The following RIN3 variants were observed in gnomAD, a reference collection of about 807,000 sequenced individuals.
The protein encoded by RIN3 is Ras and Rab interactor 3, also known as RAB5 interacting protein 3.
A neutral mutation model predicts 76.3 loss-of-function variants in RIN3; 54 were observed. The ratio of observed to expected loss-of-function variants is 0.71; its 90% CI spans 0.57 to 0.89. The LOEUF (loss-of-function observed/expected upper bound fraction) is 0.89. Ranked by LOEUF, RIN3 falls within the 40% of genes least tolerant of loss-of-function variation. RIN3 has a pLI of 0.00. For synonymous variants in RIN3, 576 were observed against 564.0 expected, an observed-to-expected ratio of 1.02 and a Z score of -0.30; for missense variants, 1,256 against 1,322.1, an observed-to-expected ratio of 0.95 and a Z score of 0.78.
At chr14:92,528,521 C>T (rs1896805754) in intron 1 of RIN3, among the ~76,000 whole-genome samples, 2 of 152,052 alleles carry the variant, frequency 1.3e-5, no homozygotes, top group African/African-American at 4.8e-5. Context: ...CTGAAGGGCC[C>T]TGGTTCCACA....
chr14:92,566,625 A>G (rs1897922446), intron 2 of RIN3, among the ~76,000 whole-genome samples: 2 of 152,048 alleles, frequency 1.3e-5, no homozygotes, highest in Admixed American at 6.6e-5. Flanking sequence ...GTTCCTGGGG[A>G]GCTAACTCAG....
In RIN3 at chr14:92,648,211, G is replaced by A. The variant is rs1472608016; in HGVS notation, c.533-3371G>A. On this transcript the variant is annotated intron_variant, in intron 5 of 9. Transcript: ENST00000216487. The surrounding 1 kb of genome is among the most constrained non-coding windows in gnomAD (Gnocchi z 4.1). ...TTCCCCCACTCCTTGGAGTCACATT[G>A]GCTTTGAGAACTTTGCCCTGCCAGG... Among the ~76,000 whole-genome samples the A allele has an allele frequency of 2.6e-5, 4 of 151,070 alleles. No homozygotes were observed. Among genetic ancestry groups the A allele is most frequent in the Non-Finnish European group, 1.5e-5 (1 of 67,920 alleles).
chr14:92,660,845 G>GCA (rs1336800470), intron 7 of RIN3, among the ~76,000 whole-genome samples: 1 of 152,238 alleles, frequency 6.6e-6, no homozygotes, highest in East Asian at 1.9e-4. Flanking sequence ...GCACGATGGA[G>GCA]CACAGCTCAA....
At chr14:92,659,515 A>G in intron 7 of RIN3, 46 bp downstream of exon 7, 1 of 1,527,068 alleles carries the variant, frequency 6.5e-7, no homozygotes, top group Non-Finnish European at 8.8e-7. Flanking sequence ...CTCTCTTTGT[A>G]TGGGTCCATG....
At chr14:92,604,765 G>C (rs1004713484) in intron 3 of RIN3, among the ~76,000 whole-genome samples, 4 of 151,888 alleles carry the variant, frequency 2.6e-5, no homozygotes, top group African/African-American at 9.7e-5. Context: ...ATCATCAAAA[G>C]AGAATGAGCT....
At position 92,655,586 on chromosome 14, in the gene RIN3, G is replaced by A. The variant is rs568861646; in HGVS notation, c.2026+2511G>A. On this transcript the variant is annotated intron_variant, in intron 6 of 9. Coordinates refer to ENST00000216487, the MANE Select transcript of RIN3 (RefSeq NM_024832.5). Reference sequence around the variant, plus strand: ...GTGACCTCACTCACATGTGAACAACGTCACTCTGGCCGTCACACCTAGTGG... The same window carrying A: ...GTGACCTCACTCACATGTGAACAACATCACTCTGGCCGTCACACCTAGTGG... Among the ~76,000 whole-genome samples, 5 of 152,366 alleles carry A rather than the reference G, an allele frequency of 3.3e-5. No individual in the cohort carries two copies. The South Asian group carries it at 6.2e-4, about 19-fold the overall frequency.
In RIN3 at chr14:92,658,937, G is replaced by T. The variant is rs12885166; in HGVS notation, c.2027-224G>T. On this transcript the variant is annotated intron_variant, in intron 6 of 9. Transcript: ENST00000216487. ...AGCATCAGGATACAATGACCAGTTAGCATTAGTTCCCAGGGGCTCCTGTGC... is the reference window on the plus strand; with the variant it reads ...AGCATCAGGATACAATGACCAGTTATCATTAGTTCCCAGGGGCTCCTGTGC... 0.26 allele frequency among the ~76,000 whole-genome samples: 39,681 copies of T among 152,090 alleles called. 6,529 individuals are homozygous for T. The highest frequency in any genetic ancestry group is 0.44 in the East Asian group (2,263 of 5,166).
intron 9 of RIN3, 64 bp from the exon 10 acceptor site, chr14:92,687,862 C>T: frequency 2.1e-6 from 3 of 1,400,630 alleles, no homozygotes; most frequent in South Asian, 2.9e-5. Context: ...GGGGCCTGGG[C>T]CGGGAGAGGG....
intron 1 of RIN3, among the ~76,000 whole-genome samples, chr14:92,528,064 G>T (rs1382061139): frequency 6.8e-6 from 1 of 147,804 alleles, no homozygotes; most frequent in African/African-American, 2.5e-5. Flanking sequence ...GTGGAAGGGG[G>T]CTGCTGGGGG....
intron 4 of RIN3, among the ~76,000 whole-genome samples, chr14:92,618,782 A>G (rs1032588103): frequency 6.6e-6 from 1 of 152,226 alleles, no homozygotes; most frequent in East Asian, 1.9e-4. Flanking sequence ...TTTGTAAGCC[A>G]CTACATCAAT....
In RIN3 at chr14:92,561,055, A is replaced by ATATATATATC. The variant is rs71123360; in HGVS notation, c.249+5101_249+5102insATATATATCT. On this transcript the variant is annotated intron_variant, in intron 2 of 9. Coordinates refer to ENST00000216487, the MANE Select transcript of RIN3 (RefSeq NM_024832.5). ...AAAAAAAAAAAAAAAATATATATAT[A>ATATATATATC]TCTGCCATATATATGCCATAAATAT... Among the ~76,000 whole-genome samples, 188 of 79,134 alleles carry ATATATATATC rather than the reference A, an allele frequency of 2.4e-3. 11 individuals carry two copies. Among genetic ancestry groups the ATATATATATC allele is most frequent in the South Asian group, 5.4e-3 (11 of 2,052 alleles). The allele number at this position is 79,134 out of a possible 152,430, so 51.9% of individuals were successfully genotyped here.
intron 8 of RIN3, among the ~76,000 whole-genome samples, chr14:92,683,721 A>C (rs140487157): frequency 6.6e-6 from 1 of 152,214 alleles, no homozygotes; most frequent in Non-Finnish European, 1.5e-5. Flanking sequence ...CCAGTGAGCT[A>C]TGTGTGAATT....
chr14:92,679,837 G>T (rs367979606), intron 8 of RIN3, among the ~76,000 whole-genome samples: 1 of 152,182 alleles, frequency 6.6e-6, no homozygotes, highest in Middle Eastern at 3.2e-3. Context: ...GCAGTTTGGA[G>T]GCTGGATTTG....
At chr14:92,544,588 C>T (rs992153113) in intron 1 of RIN3, among the ~76,000 whole-genome samples, 7 of 152,172 alleles carry the variant, frequency 4.6e-5, no homozygotes, top group Admixed American at 1.3e-4. Context: ...CTGGAGTGGT[C>T]ATGGGGACAG....
intron 1 of RIN3, among the ~76,000 whole-genome samples, chr14:92,536,744 A>AG (rs1897010840): frequency 1.6e-5 from 2 of 123,622 alleles, no homozygotes; most frequent in African/African-American, 5.7e-5. Flanking sequence ...CCGTCTCAGA[A>AG]AAAAAAAAAA....
At chr14:92,597,409 A>C (rs1885188447) in intron 3 of RIN3, among the ~76,000 whole-genome samples, 1 of 152,174 alleles carries the variant, frequency 6.6e-6, no homozygotes, top group Non-Finnish European at 1.5e-5. Flanking sequence ...CCTGTCATTC[A>C]TTGAGAGGAT....
At chr14:92,631,111 TTTAG>T (rs1432651935) in intron 4 of RIN3, among the ~76,000 whole-genome samples, 1 of 152,134 alleles carries the variant, frequency 6.6e-6, no homozygotes, top group Non-Finnish European at 1.5e-5. Flanking sequence ...AGCCCTGGCG[TTTAG>T]TTAGACATGT....
chr14:92,687,589 C>T, intron 9 of RIN3: 3 of 355,006 alleles, frequency 8.5e-6, no homozygotes, highest in Non-Finnish European at 5.2e-6. Flanking sequence ...GTGCAGGGAA[C>T]TCACCTGGAG....
chr14:92,582,102 G>A (rs1283087242), intron 3 of RIN3, among the ~76,000 whole-genome samples: 1 of 152,168 alleles, frequency 6.6e-6, no homozygotes, highest in Non-Finnish European at 1.5e-5. Context: ...CTGGATTTTA[G>A]GAGGCACAGA....
Sources: gnomAD v4.1 joint callset for allele counts (sites outside exome capture counted in the v4.1 genomes callset) on GRCh38, gnomAD v4.1.1 for gene constraint, Gnocchi (gnomAD v3.1) non-coding constraint, MANE v1.5 for transcripts, NCBI Gene and HGNC (gene_info 2026-07-23, HGNC 2026-07-21) for gene names.